Variants in TXNL4A observed in about 807,000 individuals in gnomAD.
TXNL4A encodes thioredoxin-like protein 4A.
In TXNL4A, 17 loss-of-function variants were observed where a neutral mutation model predicts 14.6. That is an observed-to-expected ratio of 1.16 (90% CI 0.80 to 1.74). The LOEUF (loss-of-function observed/expected upper bound fraction) is 1.74. Ranked by LOEUF, TXNL4A falls within the 40% of genes most tolerant of loss-of-function variation. TXNL4A has a pLI of 0.00. For synonymous variants in TXNL4A, 83 were observed against 70.6 expected, an observed-to-expected ratio of 1.18 and a Z score of -0.88; for missense variants, 74 against 195.2, an observed-to-expected ratio of 0.38 and a Z score of 3.70.
At chr18:79,996,028 T>C (rs978648229) in intron 1 of TXNL4A, among the ~76,000 whole-genome samples, 14 of 124,214 alleles carry the variant, frequency 1.1e-4, no homozygotes, top group Non-Finnish European at 1.9e-4. Flanking sequence ...GGCGTGAACC[T>C]GGGAGGCGGA....
intron 1 of TXNL4A, among the ~76,000 whole-genome samples, chr18:80,031,933 G>T (rs1249246134): frequency 6.6e-6 from 1 of 152,208 alleles, no homozygotes; most frequent in Non-Finnish European, 1.5e-5. Flanking sequence ...AACAATTTCT[G>T]ATCTGTCCTG....
chr18:80,008,611 C>G (rs958446873), intron 1 of TXNL4A, among the ~76,000 whole-genome samples: 2 of 152,116 alleles, frequency 1.3e-5, no homozygotes, highest in African/African-American at 4.8e-5. Flanking sequence ...AGTTCACCCT[C>G]TTTGTACTTT....
chr18:79,984,586 TATCATGAGTCAATAATATTACTGAGGA>T (rs1295176117), intron 1 of TXNL4A, among the ~76,000 whole-genome samples: 1 of 152,184 alleles, frequency 6.6e-6, no homozygotes, highest in African/African-American at 2.4e-5. Context: ...AAAAATGTAC[TATCATGAGTCAATAATATTACTGAGGA>T]ATTTTTTTGT....
intron 1 of TXNL4A, among the ~76,000 whole-genome samples, chr18:80,022,524 T>C (rs966126700): frequency 1.3e-5 from 2 of 152,156 alleles, no homozygotes; most frequent in African/African-American, 4.8e-5. Context: ...TCAGGCCAGG[T>C]TTGTTTGTTC....
rs1188718982 is a variant in TXNL4A at position 79,972,835 on chromosome 18, A to G, written c.*850T>C. The G allele has an allele frequency of 6.6e-6, 1 of 152,216 alleles. No homozygotes were observed. The highest frequency in any genetic ancestry group is 2.4e-5 in the African/African-American group (1 of 41,458). 9.4% of individuals were successfully genotyped at this position (152,216 alleles called of 1,614,324 possible). A position where few individuals can be genotyped will look rare whatever the true frequency, so the allele number is the denominator to read the frequency against. On this transcript the variant is annotated 3_prime_UTR_variant, in exon 3 of 3. Transcript: ENST00000269601. ...CAGAAAATATGTTTACATCAAATAC[A>G]ATCTTGGGAAGAATAAAAAATAGCT...
intron 1 of TXNL4A, among the ~76,000 whole-genome samples, chr18:79,994,519 T>C (rs1017369291): frequency 4.7e-5 from 7 of 149,660 alleles, no homozygotes; most frequent in African/African-American, 1.5e-4. Context: ...CTCTAATCGT[T>C]TTATCTCTCT....
At chr18:79,977,115 AC>A (rs1238297924) in intron 2 of TXNL4A, among the ~76,000 whole-genome samples, 1 of 151,976 alleles carries the variant, frequency 6.6e-6, no homozygotes, top group Non-Finnish European at 1.5e-5. Context: ...ATGCACCACC[AC>A]GCCCGGCTAA....
intron 1 of TXNL4A, among the ~76,000 whole-genome samples, chr18:79,995,898 C>T (rs988101418): frequency 2.0e-5 from 3 of 151,718 alleles, no homozygotes; most frequent in Non-Finnish European, 4.4e-5. Flanking sequence ...GTCAGGAGAT[C>T]GAGACCATCT....
At position 80,011,532 on chromosome 18, in the gene TXNL4A, T is replaced by C. The variant is rs2051769536; in HGVS notation, c.-61+22319A>G. ...CTGCAATATTGTGGGAAAGAGTTTC[T>C]GGGGCGCCAGATGAGTTGGTCTCCC... On this transcript the variant is annotated intron_variant, in intron 1 of 2. Coordinates refer to the TXNL4A transcript ENST00000585474. The surrounding 1 kb of genome is among the most constrained non-coding windows in gnomAD (Gnocchi z 4.1). Among the ~76,000 whole-genome samples the C allele has an allele frequency of 6.6e-6, 1 of 152,170 alleles. No homozygotes were observed. The highest frequency in any genetic ancestry group is 1.5e-5 in the Non-Finnish European group (1 of 68,036).
At chr18:80,014,874 C>A (rs1312700234) in intron 1 of TXNL4A, among the ~76,000 whole-genome samples, 1 of 152,262 alleles carries the variant, frequency 6.6e-6, no homozygotes, top group Non-Finnish European at 1.5e-5. Flanking sequence ...CATACATCTT[C>A]TGAAATCTAG....
chr18:80,005,848 G>A (rs1302452653), intron 1 of TXNL4A, among the ~76,000 whole-genome samples: 2 of 152,034 alleles, frequency 1.3e-5, no homozygotes, highest in Non-Finnish European at 2.9e-5. Flanking sequence ...GCGAGGCAGA[G>A]GTTGCAGTTA....
At chr18:79,987,147 A>G (rs2051563056) in intron 1 of TXNL4A, among the ~76,000 whole-genome samples, 1 of 152,220 alleles carries the variant, frequency 6.6e-6, no homozygotes, top group African/African-American at 2.4e-5. Flanking sequence ...CCATTGCTGG[A>G]CTTCACCCCA....
At chr18:80,004,680 C>T (rs1459601293) in intron 1 of TXNL4A, among the ~76,000 whole-genome samples, 1 of 152,192 alleles carries the variant, frequency 6.6e-6, no homozygotes, top group African/African-American at 2.4e-5. Context: ...AGAACTTTAG[C>T]TTTGACCCAT....
Position 79,994,468 on chromosome 18 carries a change from T to C in TXNL4A, c.-60-16767A>G, listed in dbSNP as rs368491967. ...GGGGAAAGATCACCTCATCTCCCTATAGGAGGCCAACAAACAACTCAGAAC... is the reference window on the plus strand; with the variant it reads ...GGGGAAAGATCACCTCATCTCCCTACAGGAGGCCAACAAACAACTCAGAAC... On this transcript the variant is annotated intron_variant, in intron 1 of 2. Coordinates refer to the TXNL4A transcript ENST00000585474. 2.2e-3 allele frequency among the ~76,000 whole-genome samples: 289 copies of C among 133,020 alleles called. 3 individuals are homozygous for C. The highest frequency in any genetic ancestry group is 7.7e-3 in the African/African-American group (270 of 34,960). The allele number at this position is 133,020 out of a possible 152,430, so 87.3% of individuals were successfully genotyped here.
At chr18:79,977,470 C>T in intron 2 of TXNL4A, 128 bp downstream of exon 2, 2 of 735,942 alleles carry the variant, frequency 2.7e-6, no homozygotes, top group Non-Finnish European at 4.6e-6. Flanking sequence ...CCTGGTGATA[C>T]AAACGATTTT....
intron 1 of TXNL4A, chr18:79,994,829 C>G (rs1031381511): frequency 5.9e-5 from 9 of 152,272 alleles, no homozygotes; most frequent in African/African-American, 2.2e-4. Context: ...ACTTCCTGGA[C>G]CAGACCTCTC....
chr18:80,001,464 G>A (rs929172844), intron 1 of TXNL4A, among the ~76,000 whole-genome samples: 1 of 152,076 alleles, frequency 6.6e-6, no homozygotes, highest in Non-Finnish European at 1.5e-5. Flanking sequence ...ACCCCACACT[G>A]GTAGATCCAT....
At chr18:79,993,322 A>T (rs1057042834), upstream of TXNL4A, among the ~76,000 whole-genome samples, 5 of 36,106 alleles carry the variant, frequency 1.4e-4, no homozygotes, top group East Asian at 3.0e-3. The surrounding 1 kb of genome is among the most constrained non-coding windows in gnomAD (Gnocchi z 4.4). Context: ...TTGCTGTTTA[A>T]AAAAAAAAAA....
chr18:79,973,579 G>A lies in TXNL4A; in HGVS notation c.*106C>T. 3 of 1,421,058 alleles carry A rather than the reference G, an allele frequency of 2.1e-6. No individual in the cohort carries two copies. The highest frequency in any genetic ancestry group is 2.9e-5 in the South Asian group (2 of 68,718). The allele number at this position is 1,421,058 out of a possible 1,614,324, so 88.0% of individuals were successfully genotyped here. On this transcript the variant is annotated 3_prime_UTR_variant, in exon 3 of 3. Transcript: ENST00000269601. ...ATGTTATCAATTCCATCTCAGAGGTGCTCCAGCCCTGGAGCTTCCTGTATT... is the reference window on the plus strand; with the variant it reads ...ATGTTATCAATTCCATCTCAGAGGTACTCCAGCCCTGGAGCTTCCTGTATT...
Sources: allele counts gnomAD v4.1 joint callset (sites outside exome capture counted in the v4.1 genomes callset), GRCh38; gene constraint gnomAD v4.1.1; non-coding constraint Gnocchi (gnomAD v3.1); transcripts MANE v1.5; gene names NCBI Gene and HGNC (gene_info 2026-07-23, HGNC 2026-07-21).